QKI: variants seen among roughly 807,000 people sequenced by gnomAD.
QKI encodes the protein QKI, KH domain containing RNA binding.
In QKI, 10 loss-of-function variants were observed where a neutral mutation model predicts 39.0. That is an observed-to-expected ratio of 0.26 (90% CI 0.16 to 0.43). The LOEUF (loss-of-function observed/expected upper bound fraction) is 0.43. Among genes scored for constraint, QKI ranks in the 20% least tolerant of loss-of-function variants. The pLI, the probability that QKI is intolerant of heterozygous loss-of-function variation, is 1.00. For missense variants in QKI, 218 were observed against 428.0 expected (o/e 0.51, Z 4.33); for synonymous variants, 204 against 155.4 (o/e 1.31, Z -2.33).
rs373793980 is a variant in QKI, at chr6:163,543,887, T to C, written c.546+8762T>C. Among the ~76,000 whole-genome samples, 10 of 152,218 alleles carry C rather than the reference T, an allele frequency of 6.6e-5. No individual in the cohort carries two copies. In the East Asian group the frequency reaches 1.5e-3, roughly 23 times the overall value. ...TAAATTTCCTATCTTAATTTAAATA[T>C]ATTTTCAGATAATGCTATTATACTG... On this transcript the variant is annotated intron_variant, in intron 4 of 7. Transcript: ENST00000361752.
chr6:163,484,173 G>GT (rs1209242513), intron 3 of QKI, among the ~76,000 whole-genome samples: 1 of 150,810 alleles, frequency 6.6e-6, no homozygotes, highest in Non-Finnish European at 1.5e-5. Context: ...TGTTCCAATT[G>GT]TAGAGCACAG....
chr6:163,417,876 A>G (rs1209128283), intron 1 of QKI, among the ~76,000 whole-genome samples: 1 of 152,180 alleles, frequency 6.6e-6, no homozygotes, highest in African/African-American at 2.4e-5. Flanking sequence ...ATGCAGGAAA[A>G]AGGGCTATTC....
intron 2 of QKI, among the ~76,000 whole-genome samples, chr6:163,472,549 G>A (rs958272512): frequency 6.6e-6 from 1 of 152,134 alleles, no homozygotes; most frequent in Non-Finnish European, 1.5e-5. Context: ...AGTAAAAGGC[G>A]AAACAGGTAA....
intron 3 of QKI, among the ~76,000 whole-genome samples, chr6:163,509,419 A>G (rs1225060087): frequency 6.6e-6 from 1 of 150,890 alleles, no homozygotes; most frequent in Non-Finnish European, 1.5e-5. Context: ...GAAAATAACC[A>G]TTTTTTTTGC....
chr6:163,420,695 T>C (rs548835031), intron 1 of QKI, among the ~76,000 whole-genome samples: 2 of 152,330 alleles, frequency 1.3e-5, no homozygotes, highest in East Asian at 3.9e-4. Flanking sequence ...TTAGGGAATA[T>C]TTATACCCCT....
chr6:163,538,679 T>G (rs887395936), intron 4 of QKI, among the ~76,000 whole-genome samples: 2 of 152,172 alleles, frequency 1.3e-5, no homozygotes, highest in African/African-American at 4.8e-5. Context: ...GAGAATAGAC[T>G]TTGAGGGCAG....
chr6:163,507,578 C>T (rs961392968), intron 3 of QKI, among the ~76,000 whole-genome samples: 4 of 152,122 alleles, frequency 2.6e-5, no homozygotes, highest in South Asian at 4.1e-4. Flanking sequence ...GAAAAGAGAA[C>T]GGGAATCCCC....
At chr6:163,460,570 T>G (rs561601792) in intron 2 of QKI, among the ~76,000 whole-genome samples, 1 of 152,264 alleles carries the variant, frequency 6.6e-6, no homozygotes, top group African/African-American at 2.4e-5. Flanking sequence ...AGCATAGGGT[T>G]GTTGTTTGTC....
At chr6:163,456,550 A>G (rs1253282739) in intron 2 of QKI, among the ~76,000 whole-genome samples, 1 of 152,338 alleles carries the variant, frequency 6.6e-6, no homozygotes, top group African/African-American at 2.4e-5. Context: ...TGGACAGAAT[A>G]CTAGTCTGTA....
chr6:163,552,511 C>T (rs1782298872), intron 4 of QKI, among the ~76,000 whole-genome samples: 1 of 151,916 alleles, frequency 6.6e-6, no homozygotes, highest in East Asian at 1.9e-4. Context: ...TGCCCAGCCT[C>T]ATAAAGTTCT....
intron 4 of QKI, among the ~76,000 whole-genome samples, chr6:163,554,848 A>T (rs1782485324): frequency 6.6e-6 from 1 of 152,234 alleles, no homozygotes; most frequent in African/African-American, 2.4e-5. Flanking sequence ...GTTAAAGCTC[A>T]TGACCTATCT....
At chr6:163,454,388 C>A (rs879819971) in intron 1 of QKI, among the ~76,000 whole-genome samples, 1 of 152,116 alleles carries the variant, frequency 6.6e-6, no homozygotes, top group Non-Finnish European at 1.5e-5. Flanking sequence ...ATTGCTACTT[C>A]CTTTTTTATA....
intron 3 of QKI, among the ~76,000 whole-genome samples, chr6:163,531,920 T>TAA (rs566763560): frequency 6.6e-6 from 1 of 152,252 alleles, no homozygotes. Flanking sequence ...CAATTGTTTT[T>TAA]AAAAGTGTAA....
rs534833173 is a variant in QKI at position 163,428,817 on chromosome 6, G to A, written c.142+13482G>A. ...CTTCAGTGACTTGAAATTGAACTCT[G>A]CACAGGAGAGAAGAATATGTCTTGT... On this transcript the variant is annotated intron_variant, in intron 1 of 7. Transcript: ENST00000361752. Among the ~76,000 whole-genome samples the A allele has an allele frequency of 2.0e-5, 3 of 151,106 alleles. No individual in the cohort carries two copies. In the East Asian group the frequency reaches 5.8e-4, roughly 29 times the overall value.
At chr6:163,485,292 G>T (rs1030000876) in intron 3 of QKI, among the ~76,000 whole-genome samples, 10 of 152,182 alleles carry the variant, frequency 6.6e-5, no homozygotes, top group African/African-American at 2.4e-4. Context: ...GGTTGCAGAG[G>T]CCGTATCCAG....
intron 3 of QKI, among the ~76,000 whole-genome samples, chr6:163,489,837 T>C (rs1388553617): frequency 6.6e-6 from 1 of 152,140 alleles, no homozygotes; most frequent in Non-Finnish European, 1.5e-5. Context: ...TTTTTATGTC[T>C]TGGGCTGGGC....
At chr6:163,427,557 CATTT>C (rs1216428147) in intron 1 of QKI, among the ~76,000 whole-genome samples, 2 of 151,834 alleles carry the variant, frequency 1.3e-5, no homozygotes, top group Non-Finnish European at 2.9e-5. Context: ...TTGATGCTGT[CATTT>C]ATTAGCTGTG....
rs1783874134 is a variant in QKI, at chr6:163,574,521, A to G, written c.*3811A>G. The G allele has an allele frequency of 6.6e-6, 1 of 152,180 alleles. No individual in the cohort carries two copies. The highest frequency in any genetic ancestry group is 1.5e-5 in the Non-Finnish European group (1 of 68,022). 9.4% of individuals were successfully genotyped at this position (152,180 alleles called of 1,614,324 possible). A position where few individuals can be genotyped will look rare whatever the true frequency, so the allele number is the denominator to read the frequency against. ...TCAGGTATTTTTTTCTCTGTCACCTACTTTACAAATACAGTCAGACTAAAA... is the reference window on the plus strand; with the variant it reads ...TCAGGTATTTTTTTCTCTGTCACCTGCTTTACAAATACAGTCAGACTAAAA... On this transcript the variant is annotated 3_prime_UTR_variant, in exon 8 of 8. Transcript: ENST00000361752.
At chr6:163,560,422 A>T (rs1490584181) in intron 4 of QKI, among the ~76,000 whole-genome samples, 2 of 152,152 alleles carry the variant, frequency 1.3e-5, no homozygotes, top group African/African-American at 2.4e-5. Flanking sequence ...TGACCACATT[A>T]AGTGAGGATC....
Sources: gnomAD v4.1 joint callset for allele counts (sites outside exome capture counted in the v4.1 genomes callset) on GRCh38, gnomAD v4.1.1 for gene constraint, MANE v1.5 for transcripts, NCBI Gene and HGNC (gene_info 2026-07-23, HGNC 2026-07-21) for gene names.